ELL: variants seen among roughly 807,000 people sequenced by gnomAD.
ELL encodes RNA polymerase II elongation factor ELL.
In ELL, 18 loss-of-function variants were observed where a neutral mutation model predicts 64.0. The ratio of observed to expected loss-of-function variants is 0.28; its 90% CI spans 0.19 to 0.42. The LOEUF is 0.42. ELL is among the 10% of genes least tolerant of loss of function. ELL has a pLI of 1.00. For synonymous variants in ELL, 399 were observed against 376.2 expected (o/e 1.06, Z -0.70); for missense variants, 797 against 870.4 (o/e 0.92, Z 1.06).
intron 1 of ELL, among the ~76,000 whole-genome samples, chr19:18,513,689 T>C (rs923556547): frequency 6.6e-6 from 1 of 152,096 alleles, no homozygotes. Context: ...CCCAGCACTT[T>C]GGGAGGCTGA....
chr19:18,452,490 G>T (rs1291254520), intron 6 of ELL, among the ~76,000 whole-genome samples: 2 of 152,240 alleles, frequency 1.3e-5, no homozygotes, highest in Non-Finnish European at 2.9e-5. Context: ...TGCATCCACT[G>T]GACAGGCAAG....
At chr19:18,520,713 C>T (rs976087798) in intron 1 of ELL, among the ~76,000 whole-genome samples, 8 of 144,770 alleles carry the variant, frequency 5.5e-5, no homozygotes, top group Non-Finnish European at 1.1e-4. Context: ...GCCCGCGGCA[C>T]CCCCCCACCC....
At chr19:18,513,758 T>C (rs113973241) in intron 1 of ELL, among the ~76,000 whole-genome samples, 3 of 151,286 alleles carry the variant, frequency 2.0e-5, no homozygotes, top group African/African-American at 4.9e-5. Flanking sequence ...GGTGAAACCC[T>C]GTCTCTACTA....
Position 18,466,130 on chromosome 19 carries a change from T to G in ELL, c.184-212A>C, listed in dbSNP as rs928465465. ...TGCGTAGAGAGGGGACTCAGGCACC[T>G]ATGCGGGTGGGCATGGGGCCAGGGG... On this transcript the variant is annotated intron_variant, in intron 2 of 11. Coordinates refer to ENST00000262809, the MANE Select transcript of ELL (RefSeq NM_006532.4). 6.6e-5 allele frequency among the ~76,000 whole-genome samples: 10 copies of G among 151,646 alleles called. No homozygotes were observed. In the East Asian group the frequency reaches 1.9e-3, roughly 29 times the overall value.
intron 1 of ELL, among the ~76,000 whole-genome samples, chr19:18,500,890 A>G (rs1600493328): frequency 6.6e-6 from 1 of 152,220 alleles, no homozygotes; most frequent in Non-Finnish European, 1.5e-5. Context: ...TTCAAAAAAT[A>G]CCAGCCAATT....
At chr19:18,500,619 T>A (rs937637195) in intron 1 of ELL, among the ~76,000 whole-genome samples, 3 of 152,126 alleles carry the variant, frequency 2.0e-5, no homozygotes, top group African/African-American at 7.2e-5. Flanking sequence ...GGTCGACTGG[T>A]CCCCTGGGAA....
intron 1 of ELL, among the ~76,000 whole-genome samples, chr19:18,486,975 C>A (rs1600477928): frequency 6.6e-6 from 1 of 152,196 alleles, no homozygotes; most frequent in South Asian, 2.1e-4. Flanking sequence ...CAACCAAAGC[C>A]TTCCAAGATG....
chr19:18,486,489 G>A (rs1422491397), intron 1 of ELL, among the ~76,000 whole-genome samples: 3 of 152,100 alleles, frequency 2.0e-5, no homozygotes, highest in East Asian at 1.9e-4. Flanking sequence ...CAGGAGGACC[G>A]TCCTTCCTCC....
rs762575089 is a variant in ELL, at chr19:18,475,650, G to A, written c.136-2768C>T. ...TGGAATACAGAGGACCATGCCAAGT[G>A]AAAGAAGGCTGCACGTCATGCCACA... On this transcript the variant is annotated intron_variant, in intron 1 of 11. Coordinates refer to ENST00000262809, the MANE Select transcript of ELL (RefSeq NM_006532.4). 9.8e-5 allele frequency among the ~76,000 whole-genome samples: 15 copies of A among 152,336 alleles called. No homozygotes were observed. The South Asian group carries it at 2.7e-3, about 27-fold the overall frequency.
At chr19:18,470,001 C>T (rs1420238605) in intron 2 of ELL, among the ~76,000 whole-genome samples, 1 of 152,240 alleles carries the variant, frequency 6.6e-6, no homozygotes, top group Non-Finnish European at 1.5e-5. Context: ...GACCAAGAGC[C>T]CCAAAGCTAA....
At chr19:18,490,310 C>T (rs1009681415) in intron 1 of ELL, among the ~76,000 whole-genome samples, 16 of 146,748 alleles carry the variant, frequency 1.1e-4, no homozygotes, top group Admixed American at 4.4e-4. Flanking sequence ...TGCCCCTAAA[C>T]GCAGCATGTT....
intron 1 of ELL, among the ~76,000 whole-genome samples, chr19:18,503,657 G>C (rs1344512129): frequency 6.6e-6 from 1 of 152,198 alleles, no homozygotes; most frequent in Non-Finnish European, 1.5e-5. Context: ...GGAGATGTCT[G>C]AGCAGTGGTG....
At chr19:18,511,555 A>G (rs1336528410) in intron 1 of ELL, among the ~76,000 whole-genome samples, 2 of 152,180 alleles carry the variant, frequency 1.3e-5, no homozygotes, top group African/African-American at 4.8e-5. Context: ...AGAGGAATGG[A>G]TGAGCACGAT....
intron 1 of ELL, among the ~76,000 whole-genome samples, chr19:18,513,039 G>A (rs1235902363): frequency 6.6e-6 from 1 of 152,192 alleles, no homozygotes; most frequent in Non-Finnish European, 1.5e-5. Flanking sequence ...GTATATACTT[G>A]CGGTCTCCCC....
intron 1 of ELL, among the ~76,000 whole-genome samples, chr19:18,511,478 A>G (rs1007580672): frequency 6.6e-6 from 1 of 152,228 alleles, no homozygotes; most frequent in East Asian, 1.9e-4. Context: ...AGATACTTAC[A>G]TGCCCTGTTC....
In ELL at chr19:18,509,625, A is replaced by G. The variant is rs982564239; in HGVS notation, c.135+12296T>C. ...CACACACACACACACACACACACAC[A>G]CACACACACACACACACACACACAC... On this transcript the variant is annotated intron_variant, in intron 1 of 11. Transcript: ENST00000262809. Among the ~76,000 whole-genome samples the G allele has an allele frequency of 4.6e-3, 672 of 146,200 alleles. 16 individuals carry two copies. Among genetic ancestry groups the G allele is most frequent in the African/African-American group, 0.013 (499 of 38,642 alleles).
chr19:18,457,950 A>G (rs527508805), intron 6 of ELL, among the ~76,000 whole-genome samples: 1 of 152,152 alleles, frequency 6.6e-6, no homozygotes, highest in African/African-American at 2.4e-5. Context: ...TTTTGTCTGA[A>G]GATTCCAAGG....
chr19:18,504,670 A>G (rs1975846543), intron 1 of ELL, among the ~76,000 whole-genome samples: 1 of 152,186 alleles, frequency 6.6e-6, no homozygotes, highest in South Asian at 2.1e-4. Context: ...CTGAGGCTCG[A>G]CTTTAAATAA....
In ELL at chr19:18,445,174, C is replaced by T. The variant is rs1466890549; in HGVS notation, c.1749+50G>A. On this transcript the variant is annotated intron_variant, in intron 11 of 11. Transcript: ENST00000262809. ...CTGCCCCGGGCCCACCCTCCTCCCTCCAGCTCCCATGGCTCACTTGGAGCC... is the reference window on the plus strand; with the variant it reads ...CTGCCCCGGGCCCACCCTCCTCCCTTCAGCTCCCATGGCTCACTTGGAGCC... 3 of 1,610,952 alleles carry T rather than the reference C, an allele frequency of 1.9e-6. No individual in the cohort carries two copies. The African/African-American group carries it at 4.0e-5, about 22-fold the overall frequency.
Sources: allele counts gnomAD v4.1 joint callset (sites outside exome capture counted in the v4.1 genomes callset), GRCh38; gene constraint gnomAD v4.1.1; transcripts MANE v1.5; gene names NCBI Gene and HGNC (gene_info 2026-07-23, HGNC 2026-07-21).